Variants in KCNMA1 observed in about 807,000 individuals in gnomAD.
KCNMA1 encodes Calcium-activated potassium channel subunit alpha-1.
KCNMA1 carries 29 observed loss-of-function variants against 140.0 expected under a neutral mutation model. The ratio of observed to expected loss-of-function variants is 0.21; its 90% CI spans 0.15 to 0.28. KCNMA1 has a LOEUF of 0.28. KCNMA1 is among the 10% of genes least tolerant of loss of function. The pLI is 1.00. For synonymous variants in KCNMA1, 612 were observed against 611.9 expected, an observed-to-expected ratio of 1.00 and a Z score of 0.00; for missense variants, 880 against 1,602.2, an observed-to-expected ratio of 0.55 and a Z score of 7.70.
intron 14 of KCNMA1, among the ~76,000 whole-genome samples, chr10:77,064,895 C>T (rs1320723463): frequency 6.6e-6 from 1 of 152,216 alleles, no homozygotes. Context: ...TCTAACCAGC[C>T]TCTGCACAAT....
chr10:77,139,706 A>T (rs1169661066), intron 5 of KCNMA1, among the ~76,000 whole-genome samples: 1 of 152,212 alleles, frequency 6.6e-6, no homozygotes, highest in Non-Finnish European at 1.5e-5. Context: ...TTTAAACTGT[A>T]ATATATTATG....
At chr10:77,196,365 G>A (rs922114957) in intron 3 of KCNMA1, among the ~76,000 whole-genome samples, 10 of 152,224 alleles carry the variant, frequency 6.6e-5, no homozygotes, top group East Asian at 3.9e-4. Flanking sequence ...TGTTTCCTTC[G>A]CCAAGCCCCC....
At chr10:77,377,578 C>A (rs1221605732) in intron 2 of KCNMA1, among the ~76,000 whole-genome samples, 1 of 152,120 alleles carries the variant, frequency 6.6e-6, no homozygotes, top group Non-Finnish European at 1.5e-5. Flanking sequence ...TACTGAGAAT[C>A]CCAAGGGTTT....
At chr10:77,223,606 G>A (rs1244051017) in intron 3 of KCNMA1, among the ~76,000 whole-genome samples, 1 of 152,178 alleles carries the variant, frequency 6.6e-6, no homozygotes, top group Non-Finnish European at 1.5e-5. Context: ...CAGAGCGATG[G>A]AGCTTACTAG....
At position 77,368,494 on chromosome 10, in the gene KCNMA1, T is replaced by A. The variant is rs150917788; in HGVS notation, c.540+35368A>T. Reference sequence around the variant, plus strand: ...GTATTCTCTCCCATTATGTAGCTTATCTTTTCATTCTCATAATAGTATCTT... The same window carrying A: ...GTATTCTCTCCCATTATGTAGCTTAACTTTTCATTCTCATAATAGTATCTT... On this transcript the variant is annotated intron_variant, in intron 2 of 27. Transcript: ENST00000286628. Among the ~76,000 whole-genome samples the A allele has an allele frequency of 2.2e-4, 33 of 152,346 alleles. No homozygotes were observed. In the East Asian group the frequency reaches 5.6e-3, roughly 26 times the overall value.
At chr10:77,259,142 T>C (rs922554532) in intron 2 of KCNMA1, among the ~76,000 whole-genome samples, 7 of 152,166 alleles carry the variant, frequency 4.6e-5, no homozygotes, top group Admixed American at 2.6e-4. Context: ...ACAAAAATGC[T>C]GTAAATTGAT....
chr10:77,220,186 A>C (rs868681386), intron 3 of KCNMA1, among the ~76,000 whole-genome samples: 2 of 152,332 alleles, frequency 1.3e-5, no homozygotes, highest in African/African-American at 2.4e-5. Flanking sequence ...CACAGGGAAG[A>C]GGTGAAATAA....
intron 25 of KCNMA1, among the ~76,000 whole-genome samples, chr10:76,896,892 A>G (rs1230128309): frequency 1.3e-5 from 2 of 152,170 alleles, no homozygotes; most frequent in Admixed American, 6.6e-5. Context: ...TACACTTTAA[A>G]TGGATGAGTT....
At chr10:76,986,718 A>C (rs555111376) in intron 19 of KCNMA1, among the ~76,000 whole-genome samples, 93 of 152,312 alleles carry the variant, frequency 6.1e-4, no homozygotes, top group African/African-American at 2.2e-3. Flanking sequence ...TAAATATCCA[A>C]ATTTATTTGG....
At chr10:77,076,972 T>G (rs1274305185) in intron 13 of KCNMA1, among the ~76,000 whole-genome samples, 1 of 152,008 alleles carries the variant, frequency 6.6e-6, no homozygotes, top group African/African-American at 2.4e-5. Flanking sequence ...GGTCCTTTCC[T>G]GAAAGCAAAT....
intron 2 of KCNMA1, among the ~76,000 whole-genome samples, chr10:77,396,169 T>C (rs781003072): frequency 3.9e-5 from 6 of 152,210 alleles, no homozygotes; most frequent in Non-Finnish European, 7.3e-5. Context: ...GAGCAGGACA[T>C]ACCTATTCAC....
chr10:76,910,322 C>G, intron 24 of KCNMA1: 1 of 521,432 alleles, frequency 1.9e-6, no homozygotes, highest in South Asian at 1.9e-5. Context: ...TAAGTTCAAG[C>G]AGGCTTGCTC....
chr10:77,137,132 A>C (rs1462237492), intron 5 of KCNMA1, among the ~76,000 whole-genome samples: 1 of 34,908 alleles, frequency 2.9e-5, no homozygotes, highest in Non-Finnish European at 5.4e-5. Flanking sequence ...TAACTCATTC[A>C]CTGCTTCAGG....
chr10:77,442,615 G>A (rs1187063298), intron 1 of KCNMA1, among the ~76,000 whole-genome samples: 1 of 152,114 alleles, frequency 6.6e-6, no homozygotes, highest in East Asian at 1.9e-4. Flanking sequence ...CTGCTTATGA[G>A]GACCTATCGA....
intron 2 of KCNMA1, among the ~76,000 whole-genome samples, chr10:77,371,603 C>A (rs1193302878): frequency 6.6e-6 from 1 of 152,200 alleles, no homozygotes. Flanking sequence ...GCAGCTGCTC[C>A]CTTCATCTGG....
At chr10:77,398,518 T>C (rs1169724247) in intron 2 of KCNMA1, among the ~76,000 whole-genome samples, 28 of 152,242 alleles carry the variant, frequency 1.8e-4, no homozygotes, top group Admixed American at 1.8e-3. Flanking sequence ...TGACTATTCA[T>C]ATCTTTTGCC....
In KCNMA1 at chr10:77,027,915, C is replaced by T. The variant is rs755594620; in HGVS notation, c.1860-24G>A. 5 of 1,602,196 alleles carry T rather than the reference C, an allele frequency of 3.1e-6. No individual in the cohort carries two copies. In the South Asian group the frequency reaches 4.4e-5, roughly 14 times the overall value. On this transcript the variant is annotated intron_variant, in intron 15 of 27. Coordinates refer to ENST00000286628, the MANE Select transcript of KCNMA1 (RefSeq NM_001161352.2). ...GCCTGCAATGAGATGGAGAAGCCTC[C>T]CAATCAGTTCTTCTGAATGACCAGA...
intron 12 of KCNMA1, among the ~76,000 whole-genome samples, chr10:77,082,843 G>T (rs1408652981): frequency 6.6e-6 from 1 of 152,148 alleles, no homozygotes; most frequent in East Asian, 1.9e-4. Context: ...AAACTGAGTG[G>T]CAAGAGAAGA....
chr10:77,072,138 T>G (rs1595310430), intron 14 of KCNMA1, among the ~76,000 whole-genome samples: 1 of 152,312 alleles, frequency 6.6e-6, no homozygotes, highest in East Asian at 1.9e-4. Flanking sequence ...GGATGTAATT[T>G]CCCACCTTGC....
Sources: allele counts gnomAD v4.1 joint callset (sites outside exome capture counted in the v4.1 genomes callset), GRCh38; gene constraint gnomAD v4.1.1; transcripts MANE v1.5; gene names NCBI Gene and HGNC (gene_info 2026-07-23, HGNC 2026-07-21).